Variants in SGPP2 observed in about 807,000 individuals in gnomAD.
The protein encoded by SGPP2 is sphingosine-1-phosphate phosphatase 2, also known as sphingosine 1-phosphate phosphohydrolase 2.
In SGPP2, 30 loss-of-function variants were observed where a neutral mutation model predicts 33.9. That is an observed-to-expected ratio of 0.89 (90% CI 0.66 to 1.20). The LOEUF (loss-of-function observed/expected upper bound fraction) is 1.20. Ranked by LOEUF, SGPP2 falls within the 50% of genes most tolerant of loss-of-function variation. The probability of loss-of-function intolerance (pLI) is 0.00; values close to 1 mark genes in which losing one functional copy is unlikely to be tolerated. For synonymous variants in SGPP2, 233 were observed against 225.0 expected, an observed-to-expected ratio of 1.04 and a Z score of -0.32; for missense variants, 458 against 532.1, an observed-to-expected ratio of 0.86 and a Z score of 1.37.
chr2:222,537,379 A>G (rs904217893), intron 4 of SGPP2, among the ~76,000 whole-genome samples: 2 of 152,244 alleles, frequency 1.3e-5, no homozygotes, highest in African/African-American at 4.8e-5. Context: ...CAATGAATCA[A>G]TGAGCAAAAG....
At chr2:222,424,482 C>G, upstream of SGPP2, 1 of 609,684 alleles carries the variant, frequency 1.6e-6, no homozygotes, top group Non-Finnish European at 2.2e-6. Flanking sequence ...GGCCCGGGGC[C>G]CCGCCCGCCC....
chr2:222,469,747 TCA>T (rs750991635), intron 1 of SGPP2, among the ~76,000 whole-genome samples: 26 of 152,314 alleles, frequency 1.7e-4, no homozygotes, highest in African/African-American at 6.0e-4. Context: ...TGTATTGAAG[TCA>T]CACACACTGA....
intron 1 of SGPP2, chr2:222,452,742 G>A (rs922888870): frequency 2.2e-5 from 31 of 1,422,154 alleles, no homozygotes; most frequent in African/African-American, 1.8e-4. Flanking sequence ...GTTTCCAGTC[G>A]TGTTCACCAG....
chr2:222,487,762 C>G (rs1408407505), intron 2 of SGPP2, among the ~76,000 whole-genome samples: 1 of 152,168 alleles, frequency 6.6e-6, no homozygotes, highest in African/African-American at 2.4e-5. Context: ...ACAACATAAC[C>G]ACGCAGCCCA....
intron 2 of SGPP2, among the ~76,000 whole-genome samples, chr2:222,515,124 C>T (rs906636203): frequency 3.9e-5 from 6 of 151,934 alleles, no homozygotes; most frequent in Non-Finnish European, 8.8e-5. Context: ...ATTATCTTAA[C>T]TGATGTCCTT....
intron 1 of SGPP2, among the ~76,000 whole-genome samples, chr2:222,437,174 T>C (rs1697254570): frequency 6.6e-6 from 1 of 152,224 alleles, no homozygotes; most frequent in Non-Finnish European, 1.5e-5. Flanking sequence ...TCCATCCACA[T>C]ACCTCTTCCC....
At chr2:222,554,785 G>A (rs1184884775) in intron 4 of SGPP2, among the ~76,000 whole-genome samples, 1 of 152,128 alleles carries the variant, frequency 6.6e-6, no homozygotes, top group Non-Finnish European at 1.5e-5. Context: ...AGACAGCAGC[G>A]GGCATTCAGT....
intron 1 of SGPP2, among the ~76,000 whole-genome samples, chr2:222,442,927 C>T (rs907900415): frequency 6.6e-6 from 1 of 152,154 alleles, no homozygotes; most frequent in Admixed American, 6.5e-5. Flanking sequence ...AGTGGAGCCT[C>T]GCTGAACAAA....
At chr2:222,529,536 T>A (rs947169462) in intron 4 of SGPP2, among the ~76,000 whole-genome samples, 11 of 152,184 alleles carry the variant, frequency 7.2e-5, no homozygotes, top group Admixed American at 1.3e-4. Context: ...GGTTTCACCA[T>A]GTTGGCCAGG....
chr2:222,507,759 G>T (rs1163788107), intron 2 of SGPP2, among the ~76,000 whole-genome samples: 1 of 152,080 alleles, frequency 6.6e-6, no homozygotes, highest in East Asian at 1.9e-4. Context: ...ACCTATATGC[G>T]CTGGTATGTA....
intron 2 of SGPP2, among the ~76,000 whole-genome samples, chr2:222,518,647 A>C (rs879552281): frequency 6.6e-6 from 1 of 152,202 alleles, no homozygotes; most frequent in Non-Finnish European, 1.5e-5. Context: ...GGTTCACAGG[A>C]GGGAGGCAGA....
At chr2:222,489,731 C>T (rs553661194) in intron 2 of SGPP2, among the ~76,000 whole-genome samples, 70 of 152,082 alleles carry the variant, frequency 4.6e-4, no homozygotes, top group Non-Finnish European at 6.9e-4. Flanking sequence ...TTTGGGAGGC[C>T]GAGGCAGGTG....
At chr2:222,549,574 T>G (rs541574602) in intron 4 of SGPP2, among the ~76,000 whole-genome samples, 1 of 152,342 alleles carries the variant, frequency 6.6e-6, no homozygotes, top group African/African-American at 2.4e-5. Context: ...ACACTGGAGC[T>G]TGTCTGCCTC....
intron 4 of SGPP2, among the ~76,000 whole-genome samples, chr2:222,551,742 G>T (rs1189134502): frequency 6.6e-6 from 1 of 152,144 alleles, no homozygotes. Context: ...AAGATGAACA[G>T]AATTCATTTA....
chr2:222,493,352 A>G (rs1698227169), intron 2 of SGPP2, among the ~76,000 whole-genome samples: 1 of 152,214 alleles, frequency 6.6e-6, no homozygotes, highest in Admixed American at 6.5e-5. Context: ...AAACTGCCTT[A>G]TAAAACTATT....
chr2:222,488,614 A>G (rs1358962294), intron 2 of SGPP2, among the ~76,000 whole-genome samples: 1 of 152,182 alleles, frequency 6.6e-6, no homozygotes, highest in African/African-American at 2.4e-5. Flanking sequence ...TTGAGTCACT[A>G]GGAATCATGT....
At chr2:222,520,716 G>C (rs556753087) in intron 2 of SGPP2, among the ~76,000 whole-genome samples, 9 of 102,670 alleles carry the variant, frequency 8.8e-5, no homozygotes, top group African/African-American at 2.8e-4. Context: ...GACAGAGTGA[G>C]ACTCTGAAAA....
chr2:222,549,576 G>A (rs561339524), intron 4 of SGPP2, among the ~76,000 whole-genome samples: 1 of 152,306 alleles, frequency 6.6e-6, no homozygotes, highest in South Asian at 2.1e-4. Context: ...ACTGGAGCTT[G>A]TCTGCCTCTA....
At chr2:222,504,801 C>T (rs938651650) in intron 2 of SGPP2, 3 of 152,224 alleles carry the variant, frequency 2.0e-5, no homozygotes, top group Admixed American at 6.5e-5. Flanking sequence ...TAACTAGGCA[C>T]CCAATATAGA....
Sources: gnomAD v4.1 joint callset for allele counts (sites outside exome capture counted in the v4.1 genomes callset) on GRCh38, gnomAD v4.1.1 for gene constraint, MANE v1.5 for transcripts, NCBI Gene and HGNC (gene_info 2026-07-23, HGNC 2026-07-21) for gene names.